The following NRG1 variants were observed in gnomAD, a reference collection of about 807,000 sequenced individuals.
NRG1 encodes the protein neuregulin 1.
A neutral mutation model predicts 63.8 loss-of-function variants in NRG1; 18 were observed. The ratio of observed to expected loss-of-function variants is 0.28; its 90% CI spans 0.19 to 0.42. The LOEUF is 0.42. Among genes scored for constraint, NRG1 ranks in the 10% least tolerant of loss-of-function variants. NRG1 has a pLI of 1.00. For missense variants in NRG1, 762 were observed against 814.7 expected, an observed-to-expected ratio of 0.94 and a Z score of 0.79; for synonymous variants, 302 against 301.3, an observed-to-expected ratio of 1.00 and a Z score of -0.02.
chr8:31,782,402 G>A (rs1310189995), intron 1 of NRG1, among the ~76,000 whole-genome samples: 1 of 151,956 alleles, frequency 6.6e-6, no homozygotes. Flanking sequence ...ACCCTGCTCT[G>A]TATTACCTGA....
At chr8:31,744,362 C>T (rs1279484402) in intron 1 of NRG1, among the ~76,000 whole-genome samples, 2 of 152,040 alleles carry the variant, frequency 1.3e-5, no homozygotes, top group Admixed American at 6.6e-5. Flanking sequence ...AAAGTACTTT[C>T]ATAAGCACTT....
intron 1 of NRG1, among the ~76,000 whole-genome samples, chr8:31,781,568 C>T (rs902691702): frequency 2.0e-5 from 3 of 152,086 alleles, no homozygotes; most frequent in Non-Finnish European, 2.9e-5. Flanking sequence ...GGGATGACAG[C>T]ACACATTGGC....
In NRG1 at chr8:32,040,018, T is replaced by G. The variant is rs1036624337; in HGVS notation, c.37+400587T>G. ...GCCTAGGTGACAGAGCCAGATCCTG[T>G]CTCAAAACCAGAAAACAACAAAACA... On this transcript the variant is annotated intron_variant, in intron 1 of 10. Transcript: ENST00000519301. 2.0e-5 allele frequency among the ~76,000 whole-genome samples: 3 copies of G among 152,066 alleles called. No individual in the cohort carries two copies. In the East Asian group the frequency reaches 5.8e-4, roughly 29 times the overall value.
At chr8:32,293,136 TA>T (rs1854407151) in intron 1 of NRG1, among the ~76,000 whole-genome samples, 1 of 143,430 alleles carries the variant, frequency 7.0e-6, no homozygotes, top group Non-Finnish European at 1.6e-5. Context: ...AAATAAAGAC[TA>T]AAAATGGCCC....
rs1806092508 is a variant in NRG1 at position 32,354,541 on chromosome 8, T to C, written c.38-241287T>C. ...GTGATAGATGTGTTTATTACTGGGA[T>C]TGTGTTGATGGCTTACCAGGTATCT... is the stretch of plus-strand genomic sequence containing the variant. On this transcript the variant is annotated intron_variant, in intron 1 of 10. Transcript: ENST00000519301. 2.0e-5 allele frequency among the ~76,000 whole-genome samples: 3 copies of C among 152,040 alleles called. No individual in the cohort carries two copies. In the South Asian group the frequency reaches 6.2e-4, roughly 32 times the overall value.
At chr8:32,589,672 T>G (rs1338780429) in intron 1 of NRG1, among the ~76,000 whole-genome samples, 1 of 152,212 alleles carries the variant, frequency 6.6e-6, no homozygotes, top group African/African-American at 2.4e-5. Context: ...TAGTGTCACA[T>G]GCCATCAGCA....
chr8:32,264,600 A>G (rs908877527), intron 1 of NRG1, among the ~76,000 whole-genome samples: 1 of 152,202 alleles, frequency 6.6e-6, no homozygotes, highest in African/African-American at 2.4e-5. Context: ...TTGTATAGCA[A>G]AGGTCTACAA....
At chr8:32,761,170 A>C (rs1020156738) in intron 11 of NRG1, among the ~76,000 whole-genome samples, 2 of 152,256 alleles carry the variant, frequency 1.3e-5, no homozygotes, top group African/African-American at 2.4e-5. Flanking sequence ...TATTGAATTC[A>C]TAGATTCTCT....
intron 1 of NRG1, among the ~76,000 whole-genome samples, chr8:31,796,464 G>A (rs1022534955): frequency 4.8e-5 from 5 of 104,682 alleles, no homozygotes; most frequent in Non-Finnish European, 6.9e-5. Flanking sequence ...ATGGAGTCTC[G>A]CTCTGTCACC....
chr8:31,665,049 G>A (rs1337926399), intron 1 of NRG1, among the ~76,000 whole-genome samples: 3 of 152,180 alleles, frequency 2.0e-5, no homozygotes, highest in South Asian at 2.1e-4. Flanking sequence ...TTTTGTTGAC[G>A]GGGAGAGGCT....
chr8:32,085,693 C>A (rs1563768647), intron 1 of NRG1, among the ~76,000 whole-genome samples: 1 of 152,136 alleles, frequency 6.6e-6, no homozygotes, highest in African/African-American at 2.4e-5. Context: ...GTTAAATATG[C>A]CTCTAACTAC....
At chr8:31,679,942 A>G (rs2131053061) in intron 1 of NRG1, among the ~76,000 whole-genome samples, 1 of 152,242 alleles carries the variant, frequency 6.6e-6, no homozygotes, top group South Asian at 2.1e-4. Context: ...GTAACAAAAT[A>G]CCATTTATAG....
At chr8:32,589,691 C>T (rs937068646) in intron 1 of NRG1, among the ~76,000 whole-genome samples, 1 of 152,178 alleles carries the variant, frequency 6.6e-6, no homozygotes, top group Non-Finnish European at 1.5e-5. Context: ...CATATCTCTG[C>T]AGCAGACACA....
intron 1 of NRG1, among the ~76,000 whole-genome samples, chr8:32,521,302 A>C (rs1830319490): frequency 6.6e-6 from 1 of 152,208 alleles, no homozygotes; most frequent in Non-Finnish European, 1.5e-5. Flanking sequence ...AAATCTAAAT[A>C]GTTGGTTTTG....
intron 1 of NRG1, among the ~76,000 whole-genome samples, chr8:31,882,794 T>A (rs1287302224): frequency 6.6e-6 from 1 of 152,110 alleles, no homozygotes; most frequent in Non-Finnish European, 1.5e-5. Context: ...TAGAATTAGA[T>A]GTGATGCCTG....
chr8:31,924,403 C>T (rs1361813739), intron 1 of NRG1, among the ~76,000 whole-genome samples: 2 of 152,072 alleles, frequency 1.3e-5, no homozygotes, highest in Admixed American at 6.6e-5. Context: ...ACTTCATTGA[C>T]ATAAAGTTAC....
At chr8:31,993,325 C>T (rs1342283991) in intron 1 of NRG1, among the ~76,000 whole-genome samples, 1 of 151,958 alleles carries the variant, frequency 6.6e-6, no homozygotes, top group East Asian at 1.9e-4. Flanking sequence ...CAGGGAGCTT[C>T]ATTTGTAATC....
chr8:31,749,008 C>T (rs1816177888), intron 1 of NRG1, among the ~76,000 whole-genome samples: 1 of 151,788 alleles, frequency 6.6e-6, no homozygotes, highest in Non-Finnish European at 1.5e-5. Flanking sequence ...TGAAAACTGC[C>T]TAAATGTACA....
At chr8:32,673,377 T>C (rs1806202026) in intron 5 of NRG1, among the ~76,000 whole-genome samples, 1 of 152,226 alleles carries the variant, frequency 6.6e-6, no homozygotes, top group Non-Finnish European at 1.5e-5. Context: ...TAGAACCTCA[T>C]ATTCAAAAGC....
Sources: gnomAD v4.1 joint callset for allele counts (sites outside exome capture counted in the v4.1 genomes callset) on GRCh38, gnomAD v4.1.1 for gene constraint, MANE v1.5 for transcripts, NCBI Gene and HGNC (gene_info 2026-07-23, HGNC 2026-07-21) for gene names.